TBC1D4: variants seen among roughly 807,000 people sequenced by gnomAD.
The protein encoded by TBC1D4 is TBC1 domain family member 4.
A neutral mutation model predicts 142.5 loss-of-function variants in TBC1D4; 121 were observed. The ratio of observed to expected loss-of-function variants is 0.85; its 90% CI spans 0.73 to 0.99. The LOEUF (loss-of-function observed/expected upper bound fraction) is 0.99, where lower values mean the gene tolerates loss of function less well. Among genes scored for constraint, TBC1D4 ranks in the 50% least tolerant of loss-of-function variants. The pLI, the probability that TBC1D4 is intolerant of heterozygous loss-of-function variation, is 0.00. For synonymous variants in TBC1D4, 630 were observed against 628.2 expected, an observed-to-expected ratio of 1.00 and a Z score of -0.04; for missense variants, 1,475 against 1,606.6, an observed-to-expected ratio of 0.92 and a Z score of 1.40.
At chr13:75,325,415 T>G (rs1257765705) in intron 10 of TBC1D4, among the ~76,000 whole-genome samples, 1 of 131,212 alleles carries the variant, frequency 7.6e-6, no homozygotes. Flanking sequence ...TCGAGTTGTG[T>G]TTTTTTTTTT....
intron 8 of TBC1D4, among the ~76,000 whole-genome samples, chr13:75,331,548 AC>A (rs1420724101): frequency 6.6e-6 from 1 of 152,148 alleles, no homozygotes; most frequent in African/African-American, 2.4e-5. Flanking sequence ...GTTTTGGAAA[AC>A]AACTGAAAAA....
At chr13:75,470,950 C>T (rs190051621) in intron 1 of TBC1D4, among the ~76,000 whole-genome samples, 64 of 150,884 alleles carry the variant, frequency 4.2e-4, no homozygotes, top group East Asian at 1.2e-3. Context: ...TCCGCCACTG[C>T]ACTCCAGCCC....
chr13:75,363,999 G>T (rs1364506393), intron 1 of TBC1D4, among the ~76,000 whole-genome samples: 8 of 152,148 alleles, frequency 5.3e-5, no homozygotes, highest in Non-Finnish European at 1.0e-4. Context: ...TTTTCTACAT[G>T]TTAGGGAGAC....
chr13:75,440,148 G>A (rs1055888051), intron 1 of TBC1D4, among the ~76,000 whole-genome samples: 1 of 151,736 alleles, frequency 6.6e-6, no homozygotes, highest in Non-Finnish European at 1.5e-5. Flanking sequence ...TAATTCCAAA[G>A]AGACACAAAG....
intron 1 of TBC1D4, among the ~76,000 whole-genome samples, chr13:75,369,026 A>G (rs1883080755): frequency 6.6e-6 from 1 of 152,102 alleles, no homozygotes; most frequent in African/African-American, 2.4e-5. Context: ...CCTGAGCAAC[A>G]GAGTGAGACT....
intron 19 of TBC1D4, among the ~76,000 whole-genome samples, chr13:75,291,901 T>C (rs2137836286): frequency 6.6e-6 from 1 of 152,322 alleles, no homozygotes; most frequent in East Asian, 1.9e-4. Flanking sequence ...AAAAACTCAT[T>C]ACGTAGCACT....
intron 1 of TBC1D4, among the ~76,000 whole-genome samples, chr13:75,369,478 G>A (rs995980426): frequency 6.8e-5 from 10 of 146,286 alleles, no homozygotes; most frequent in Non-Finnish European, 1.4e-4. Context: ...TAGCCTGGGT[G>A]ACAGAGTGAG....
At position 75,362,373 on chromosome 13, in the gene TBC1D4, C is replaced by A. The variant is rs567936519; in HGVS notation, c.733G>T (p.Gly245Cys). 2 of 1,614,218 alleles carry A rather than the reference C, an allele frequency of 1.2e-6. No homozygotes were observed. The highest frequency in any genetic ancestry group is 1.7e-6 in the Non-Finnish European group (2 of 1,180,042). ...QRLKIQGEQR[G>C]PDPGEDLADL... Reference sequence around the variant, plus strand: ...GCCAGGTCCTCTCCTGGGTCCGGACCGCGCTGCTCCCCTTGGATCTTCAGG... The same window carrying A: ...GCCAGGTCCTCTCCTGGGTCCGGACAGCGCTGCTCCCCTTGGATCTTCAGG... The change falls in exon 2 of 21, where the codon GGT (glycine) becomes TGT (cysteine). Residue 245 changes from glycine (G) to cysteine (C), a missense_variant. Gly to Cys is a radical substitution (Grantham distance 159, BLOSUM62 -3). Coordinates refer to ENST00000377636, the MANE Select transcript of TBC1D4 (RefSeq NM_014832.5). This position sits in a 1 kb window ranked among gnomAD's most constrained non-coding sequence, Gnocchi z 4.2.
At chr13:75,458,652 C>A (rs1012949174) in intron 1 of TBC1D4, among the ~76,000 whole-genome samples, 1 of 152,146 alleles carries the variant, frequency 6.6e-6, no homozygotes, top group African/African-American at 2.4e-5. Context: ...TTAATGTATA[C>A]CCCTTAGGTA....
At chr13:75,309,846 C>T in intron 14 of TBC1D4, 96 bp downstream of exon 14, 1 of 1,251,366 alleles carries the variant, frequency 8.0e-7, no homozygotes, top group South Asian at 1.2e-5. Flanking sequence ...CAGTCCAAAA[C>T]TGAGTGCGGA....
At chr13:75,481,221 G>GGCCCCC in intron 1 of TBC1D4, 49 bp downstream of exon 1, 1 of 737,126 alleles carries the variant, frequency 1.4e-6, no homozygotes, top group Non-Finnish European at 2.2e-6. Flanking sequence ...CCTGCTCCCC[G>GGCCCCC]ATCCCCCAAG....
chr13:75,319,680 G>C (rs1878593453), intron 12 of TBC1D4, among the ~76,000 whole-genome samples: 1 of 152,124 alleles, frequency 6.6e-6, no homozygotes, highest in African/African-American at 2.4e-5. Context: ...ACTCCACTTA[G>C]GCACATATGT....
Position 75,302,287 on chromosome 13 carries a change from A to G in TBC1D4, c.2867T>C (p.Leu956Ser). Reference protein sequence around the residue: ...QPPDISYKELLKQLTAQQHAI... With the variant: ...QPPDISYKELSKQLTAQQHAI... ...ATGCTGCTGAGCAGTGAGCTGCTTC[A>G]AAAGTTCCTTATAGGATATGTCAGG... The change falls in exon 16 of 21, where the codon TTG becomes TCG. Residue 956 changes from leucine to serine, a missense_variant. By Grantham distance (145) the Leu-to-Ser change is moderately radical (BLOSUM62 -2). Transcript: ENST00000377636. The G allele has an allele frequency of 1.2e-6, 2 of 1,614,232 alleles. No homozygotes were observed. The highest frequency in any genetic ancestry group is 1.7e-6 in the Non-Finnish European group (2 of 1,180,026).
At chr13:75,333,404 A>T (rs1191892826) in intron 8 of TBC1D4, among the ~76,000 whole-genome samples, 1 of 152,178 alleles carries the variant, frequency 6.6e-6, no homozygotes, top group Non-Finnish European at 1.5e-5. Flanking sequence ...AAATAAATTT[A>T]AAAAAACACC....
chr13:75,327,923 T>A, intron 8 of TBC1D4, 97 bp from the exon 9 acceptor site: 1 of 1,222,292 alleles, frequency 8.2e-7, no homozygotes, highest in Non-Finnish European at 1.2e-6. Flanking sequence ...ATGTTAGCAT[T>A]AAATTGATCA....
chr13:75,406,966 G>T (rs574129448), intron 1 of TBC1D4, among the ~76,000 whole-genome samples: 1 of 152,264 alleles, frequency 6.6e-6, no homozygotes, highest in East Asian at 1.9e-4. Context: ...TCATACCCTA[G>T]TGAGACCGAA....
intron 1 of TBC1D4, among the ~76,000 whole-genome samples, chr13:75,467,283 A>C (rs1888207081): frequency 6.6e-6 from 1 of 152,260 alleles, no homozygotes. Flanking sequence ...CTTTTGCCTT[A>C]ACAAGCAGCT....
intron 1 of TBC1D4, among the ~76,000 whole-genome samples, chr13:75,442,696 T>C (rs1887093559): frequency 2.0e-5 from 3 of 151,776 alleles, no homozygotes; most frequent in Admixed American, 2.0e-4. Flanking sequence ...GGAGAATCAC[T>C]TGAACCCGGG....
chr13:75,413,773 A>G (rs1241346038), intron 1 of TBC1D4, among the ~76,000 whole-genome samples: 5 of 152,138 alleles, frequency 3.3e-5, no homozygotes, highest in African/African-American at 1.2e-4. Context: ...TAGCTTCCTC[A>G]GTGTATAAAA....
Sources: allele counts gnomAD v4.1 joint callset (sites outside exome capture counted in the v4.1 genomes callset), GRCh38; gene constraint gnomAD v4.1.1; non-coding constraint Gnocchi (gnomAD v3.1); transcripts MANE v1.5; gene names NCBI Gene and HGNC (gene_info 2026-07-23, HGNC 2026-07-21).